The following SLC12A5 variants were observed in gnomAD, a reference collection of about 807,000 sequenced individuals.
SLC12A5 encodes the protein K-Cl cotransporter 2.
A neutral mutation model predicts 124.0 loss-of-function variants in SLC12A5; 18 were observed. That is an observed-to-expected ratio of 0.15 (90% confidence interval 0.10 to 0.22). SLC12A5 has a LOEUF of 0.22. SLC12A5 is among the 10% of genes least tolerant of loss of function. SLC12A5 has a pLI of 1.00. For missense variants in SLC12A5, 867 were observed against 1,478.7 expected, an observed-to-expected ratio of 0.59 and a Z score of 6.78; for synonymous variants, 589 against 568.0, an observed-to-expected ratio of 1.04 and a Z score of -0.53.
chr20:46,050,976 GT>G (rs1338916184), intron 17 of SLC12A5, among the ~76,000 whole-genome samples: 1 of 152,128 alleles, frequency 6.6e-6, no homozygotes, highest in Non-Finnish European at 1.5e-5. Flanking sequence ...GGGTGGTTAG[GT>G]GACTCACCCA....
Position 46,056,749 on chromosome 20 carries a change from A to T in SLC12A5, c.3111-148A>T. On this transcript the variant is annotated intron_variant, in intron 23 of 25. Coordinates refer to ENST00000243964, the MANE Select transcript of SLC12A5 (RefSeq NM_020708.5). The surrounding 1 kb of genome is among the most constrained non-coding windows in gnomAD (Gnocchi z 4.3). ...CCCATTGCTAAGTCTCAGAATTCCC[A>T]GTTGCAGGCAGCGGAAAGGTGAAGG... 1 of 1,119,780 alleles carries T rather than the reference A, an allele frequency of 8.9e-7. No individual in the cohort carries two copies. The highest frequency in any genetic ancestry group is 1.3e-6 in the Non-Finnish European group (1 of 758,440). 69.4% of individuals were successfully genotyped at this position (1,119,780 alleles called of 1,614,324 possible).
At position 46,057,594 on chromosome 20, in the gene SLC12A5, A is replaced by G. The variant is rs554444367; in HGVS notation, c.3340A>G (p.Ile1114Val). 1.2e-6 allele frequency: 2 copies of G among 1,613,460 alleles called. No homozygotes were observed. The highest frequency in any genetic ancestry group is 1.7e-5 in the Admixed American group (1 of 60,012). Residue 1114 changes from isoleucine to valine, a missense_variant, in exon 26 of 26, where the codon ATC becomes GTC. Ile to Val is a conservative substitution (Grantham distance 29). Around this residue, in one of 9 missense-constraint regions of SLC12A5, gnomAD observed 180 missense variants for 243.6 expected, o/e 0.74. Coordinates refer to ENST00000243964, the MANE Select transcript of SLC12A5 (RefSeq NM_020708.5). This position sits in a 1 kb window ranked among gnomAD's most constrained non-coding sequence, Gnocchi z 7.1. The part of the protein sequence containing the change: ...VRGGGREVIT[I>V]YS ...CGGCGGCGGCCGCGAGGTCATCACCATCTACTCCTGAGAACCAGGACCTGC... is the reference window on the plus strand; with the variant it reads ...CGGCGGCGGCCGCGAGGTCATCACCGTCTACTCCTGAGAACCAGGACCTGC...
intron 18 of SLC12A5, among the ~76,000 whole-genome samples, chr20:46,052,422 G>A (rs1416569650): frequency 6.6e-6 from 1 of 152,228 alleles, no homozygotes; most frequent in African/African-American, 2.4e-5. Flanking sequence ...TGCTCCAGCT[G>A]GGTTCGGTGG....
chr20:46,041,356 G>A lies in SLC12A5; in HGVS notation c.882G>A (p.Leu294=). The A allele has an allele frequency of 2.5e-6, 4 of 1,614,126 alleles. No homozygotes were observed. Among genetic ancestry groups the A allele is most frequent in the African/African-American group, 1.3e-5 (1 of 75,024 alleles). ...FPICLLGNRT[L]SRHGFDVCAK... is the part of the protein sequence containing the mutation. ...TCTGCCTCCTGGGTAACCGCACGCT[G>A]TCTCGCCATGGCTTTGATGTCTGTG... The change falls in exon 8 of 26, where the codon CTG becomes CTA. Residue 294 remains leucine (L), a synonymous_variant. Coordinates refer to ENST00000243964, the MANE Select transcript of SLC12A5 (RefSeq NM_020708.5).
intron 3 of SLC12A5, 54 bp from the exon 4 acceptor site, chr20:46,035,723 T>TG (rs1442318097): frequency 6.3e-7 from 1 of 1,575,714 alleles, no homozygotes; most frequent in East Asian, 2.2e-5. Flanking sequence ...GGAGCACACC[T>TG]GGGGTGTTCG....
At chr20:46,030,826 G>A (rs1221530134) in intron 1 of SLC12A5, among the ~76,000 whole-genome samples, 2 of 126,818 alleles carry the variant, frequency 1.6e-5, no homozygotes, top group African/African-American at 5.9e-5. Context: ...GCCGCTTCCC[G>A]CAACTCCTCA....
At chr20:46,046,543 A>G (rs1280813405) in intron 14 of SLC12A5, 107 bp downstream of exon 14, 1 of 908,768 alleles carries the variant, frequency 1.1e-6, no homozygotes, top group Non-Finnish European at 1.7e-6. Context: ...CCAAACCTGA[A>G]GAGGACATCC....
In SLC12A5 at chr20:46,041,222, A is replaced by G. The variant is rs544976772; in HGVS notation, c.855-107A>G. The G allele has an allele frequency of 6.6e-5, 59 of 892,118 alleles. No individual in the cohort carries two copies. In the African/African-American group the frequency reaches 8.9e-4, roughly 14 times the overall value. 55.3% of individuals were successfully genotyped at this position (892,118 alleles called of 1,614,324 possible). A position where few individuals can be genotyped will look rare whatever the true frequency, so the allele number is the denominator to read the frequency against. Reference sequence around the variant, plus strand: ...TTAAATTAAACGAGGAACTCTGGATATGGGGACCTGGCGTCCGTGTGTTTA... The same window carrying G: ...TTAAATTAAACGAGGAACTCTGGATGTGGGGACCTGGCGTCCGTGTGTTTA... On this transcript the variant is annotated intron_variant, in intron 7 of 25. Coordinates refer to ENST00000243964, the MANE Select transcript of SLC12A5 (RefSeq NM_020708.5).
intron 1 of SLC12A5, among the ~76,000 whole-genome samples, chr20:46,031,421 A>C (rs2084448219): frequency 6.6e-6 from 1 of 152,154 alleles, no homozygotes; most frequent in Non-Finnish European, 1.5e-5. Flanking sequence ...AGATGGTAGT[A>C]GGAGGTGCTA....
upstream of SLC12A5, among the ~76,000 whole-genome samples, chr20:46,026,680 G>T (rs960865865): frequency 6.6e-5 from 10 of 152,202 alleles, no homozygotes; most frequent in Non-Finnish European, 1.2e-4. Flanking sequence ...TGGATTATAC[G>T]ACCTAACTCA....
Position 46,057,130 on chromosome 20 carries a change from C to G in SLC12A5, c.3126-40C>G, listed in dbSNP as rs756750915. ...CGACTGGCTCCAATCTTCTCTACCC[C>G]CCCGGCTCACGCGGTCTCCACTCCT... On this transcript the variant is annotated intron_variant, in intron 24 of 25. Coordinates refer to ENST00000243964, the MANE Select transcript of SLC12A5 (RefSeq NM_020708.5). The surrounding 1 kb of genome is among the most constrained non-coding windows in gnomAD (Gnocchi z 7.1). 1.6e-5 allele frequency: 26 copies of G among 1,611,886 alleles called. No individual in the cohort carries two copies. In the Admixed American group the frequency reaches 2.7e-4, roughly 17 times the overall value.
intron 21 of SLC12A5, among the ~76,000 whole-genome samples, chr20:46,055,228 C>T (rs1388558940): frequency 6.6e-6 from 1 of 152,140 alleles, no homozygotes. Flanking sequence ...AGCCAGGAGG[C>T]AGAGGGACTT....
intron 1 of SLC12A5, among the ~76,000 whole-genome samples, chr20:46,033,109 C>T (rs1325040420): frequency 1.3e-5 from 2 of 152,174 alleles, no homozygotes; most frequent in Non-Finnish European, 2.9e-5. Flanking sequence ...ATCACTCCTC[C>T]TGGCCCAATT....
At chr20:46,040,730 G>T in intron 7 of SLC12A5, 116 bp downstream of exon 7, 1 of 1,475,342 alleles carries the variant, frequency 6.8e-7, no homozygotes, top group South Asian at 1.4e-5. Flanking sequence ...GGTGTGGGTT[G>T]GGAGTAGCTT....
intron 1 of SLC12A5, among the ~76,000 whole-genome samples, chr20:46,030,146 A>G (rs1451626947): frequency 6.6e-6 from 1 of 151,912 alleles, no homozygotes; most frequent in Admixed American, 6.6e-5. Context: ...CCTATTCAGG[A>G]CGGGAAGCAA....
At chr20:46,043,097 C>T in intron 8 of SLC12A5, 56 bp from the exon 9 acceptor site, 1 of 1,575,286 alleles carries the variant, frequency 6.3e-7, no homozygotes, top group Non-Finnish European at 8.7e-7. Flanking sequence ...CTCCTGGTCC[C>T]AGAGCTCTGG....
rs143523917 is a variant in SLC12A5 at position 46,042,539 on chromosome 20, G to C, written c.1067-614G>C. 1.3e-3 allele frequency among the ~76,000 whole-genome samples: 191 copies of C among 152,134 alleles called. 1 individual carries two copies. The East Asian group carries it at 0.035, about 28-fold the overall frequency. On this transcript the variant is annotated intron_variant, in intron 8 of 25. Coordinates refer to ENST00000243964, the MANE Select transcript of SLC12A5 (RefSeq NM_020708.5). ...CGTTTTTGGTTGTCAAAACTGGAGG[G>C]GTGTACCTGGCATCTAGTAGGTAGA...
At chr20:46,035,570 G>A in intron 3 of SLC12A5, 35 bp downstream of exon 3, 1 of 1,591,408 alleles carries the variant, frequency 6.3e-7, no homozygotes, top group Non-Finnish European at 8.6e-7. Flanking sequence ...TGGAAGAAAA[G>A]GGACGGATGG....
At chr20:46,035,356 C>T (rs771499395) in intron 2 of SLC12A5, 48 bp from the exon 3 acceptor site, 3 of 1,586,056 alleles carry the variant, frequency 1.9e-6, no homozygotes, top group Non-Finnish European at 2.6e-6. Flanking sequence ...ACCCAGCTCA[C>T]TCCACTTGCT....
Sources: allele counts gnomAD v4.1 joint callset (sites outside exome capture counted in the v4.1 genomes callset), GRCh38; gene constraint gnomAD v4.1.1; regional missense constraint gnomAD v4.1.1; non-coding constraint Gnocchi (gnomAD v3.1); transcripts MANE v1.5; gene names NCBI Gene and HGNC (gene_info 2026-07-23, HGNC 2026-07-21).